Variants in ATG9A observed in about 807,000 individuals in gnomAD.
The protein encoded by ATG9A is autophagy related 9A.
A neutral mutation model predicts 87.1 loss-of-function variants in ATG9A; 21 were observed. That is an observed-to-expected ratio of 0.24 (90% confidence interval 0.17 to 0.35). The LOEUF (loss-of-function observed/expected upper bound fraction) is 0.35, where lower values mean the gene tolerates loss of function less well. Among genes scored for constraint, ATG9A ranks in the 10% least tolerant of loss-of-function variants. The pLI, the probability that ATG9A is intolerant of heterozygous loss-of-function variation, is 1.00. For synonymous variants in ATG9A, 422 were observed against 441.3 expected (o/e 0.96, Z 0.55); for missense variants, 836 against 1,107.3 (o/e 0.76, Z 3.48).
chr2:219,222,258 C>G lies in ATG9A; in HGVS notation c.2027+14G>C. 2 of 1,613,506 alleles carry G rather than the reference C, an allele frequency of 1.2e-6. No homozygotes were observed. The highest frequency in any genetic ancestry group is 1.7e-6 in the Non-Finnish European group (2 of 1,180,010). On this transcript the variant is annotated intron_variant, in intron 12 of 15. Coordinates refer to ENST00000361242, the MANE Select transcript of ATG9A (RefSeq NM_001077198.3). This position sits in a 1 kb window ranked among gnomAD's most constrained non-coding sequence, Gnocchi z 4.3. ...GGCTGCCGTGCCCTCCCATCTTGGC[C>G]CCGATTTACTCACCCAGAGCCTGTC... is the stretch of plus-strand genomic sequence containing the variant.
Position 219,221,080 on chromosome 2 carries a change from C to T in ATG9A, c.2368G>A (p.Asp790Asn), listed in dbSNP as rs1950749509. The change falls in exon 14 of 16, where the codon GAT becomes AAT. Residue 790 changes from aspartate (D) to asparagine (N), a missense_variant and splice_region_variant. Transcript: ENST00000361242. The part of the protein sequence containing the change: ...GFQRRYGGIT[D>N]PGTVPRVPSH... ...TTCCTCCTATACCCCCACTGGATAC[C>T]TGTGATGCCACCGTAGCGCCTCTGG... The T allele has an allele frequency of 1.9e-6, 3 of 1,612,842 alleles. No individual in the cohort carries two copies. Among genetic ancestry groups the T allele is most frequent in the Non-Finnish European group, 2.5e-6 (3 of 1,179,528 alleles).
Position 219,223,118 on chromosome 2 carries a change from C to T in ATG9A, c.1600-225G>A, listed in dbSNP as rs1222427905. Among the ~76,000 whole-genome samples the T allele has an allele frequency of 1.4e-5, 2 of 145,562 alleles. No individual in the cohort carries two copies. The highest frequency in any genetic ancestry group is 2.6e-5 in the African/African-American group (1 of 38,780). The stretch of plus-strand genomic sequence containing the variant: ...TTTTTTTTTTTTTGAGATGGAGTCT[C>T]GCTCTGTCGCCCAGGCTGGATTGCA... On this transcript the variant is annotated intron_variant, in intron 10 of 15. Coordinates refer to ENST00000361242, the MANE Select transcript of ATG9A (RefSeq NM_001077198.3). This position sits in a 1 kb window ranked among gnomAD's most constrained non-coding sequence, Gnocchi z 4.7.
Position 219,223,756 on chromosome 2 carries a change from A to G in ATG9A, c.1428T>C (p.Ile476=), listed in dbSNP as rs1202475704. 3 of 1,613,104 alleles carry G rather than the reference A, an allele frequency of 1.9e-6. No individual in the cohort carries two copies. Among genetic ancestry groups the G allele is most frequent in the East Asian group, 4.5e-5 (2 of 44,826 alleles). The change falls in exon 10 of 16, where the codon ATT becomes ATC. Residue 476 remains isoleucine (I), a synonymous_variant. Transcript: ENST00000361242. The surrounding 1 kb of genome is among the most constrained non-coding windows in gnomAD (Gnocchi z 4.7). The part of the protein sequence containing the change: ...AQLFQYKAVF[I]LEELLSPIVT... ...CAATGGGGCTCAGCAACTCTTCCAA[A>G]ATGAACACCTAAAAGGGCGGGACCA...
chr2:219,225,814 C>T (rs1272695245), intron 5 of ATG9A, among the ~76,000 whole-genome samples: 1 of 152,222 alleles, frequency 6.6e-6, no homozygotes, highest in East Asian at 1.9e-4. Context: ...CCTCAGCCAC[C>T]ACTACTGGAC....
chr2:219,227,725 G>T, intron 4 of ATG9A, 45 bp downstream of exon 4: 1 of 1,602,888 alleles, frequency 6.2e-7, no homozygotes, highest in South Asian at 1.1e-5. Context: ...GGCTTAGAGA[G>T]ACATTAAAGG....
chr2:219,220,445 G>A lies in ATG9A; in HGVS notation c.*2C>T. On this transcript the variant is annotated 3_prime_UTR_variant, in exon 16 of 16. Transcript: ENST00000361242. ...GGCCACAGGAACCCTGCTCAGCCTT[G>A]TCTATACCTGTGGGGAGAAAGGGTT... 1.2e-6 allele frequency: 2 copies of A among 1,613,794 alleles called. No individual in the cohort carries two copies. The highest frequency in any genetic ancestry group is 1.1e-5 in the South Asian group (1 of 91,076).
In ATG9A at chr2:219,227,771, C is replaced by T. The variant is rs771455539; in HGVS notation, c.146G>A (p.Arg49Gln). 18 of 1,613,904 alleles carry T rather than the reference C, an allele frequency of 1.1e-5. No individual in the cohort carries two copies. Among genetic ancestry groups the T allele is most frequent in the East Asian group, 4.5e-5 (2 of 44,880 alleles). Residue 49 changes from arginine (R) to glutamine (Q), a missense_variant and splice_region_variant, in exon 4 of 16, where the codon CGA (arginine) becomes CAA (glutamine). Arg to Gln is a conservative substitution (Grantham distance 43). This residue lies in a region of ATG9A where 512 missense variants were observed against 759.6 expected (regional missense o/e 0.67). Transcript: ENST00000361242. Reference sequence around the variant, plus strand: ...CCAACTCAGAAACACAAAGGATATTCGAGAGAAGAAGAGGTCAAGGTTTTC... The same window carrying T: ...CCAACTCAGAAACACAAAGGATATTTGAGAGAAGAAGAGGTCAAGGTTTTC... ...HIENLDLFFSRVYNLHQKNGF... is the reference protein window; with the variant it reads ...HIENLDLFFSQVYNLHQKNGF...
Position 219,224,747 on chromosome 2 carries a change from G to A in ATG9A, c.624C>T (p.Ile208=), listed in dbSNP as rs868100082. Residue 208 remains isoleucine (I), a synonymous_variant, in exon 8 of 16, where the codon ATC becomes ATT. Transcript: ENST00000361242. The surrounding 1 kb of genome is among the most constrained non-coding windows in gnomAD (Gnocchi z 7.7). ...IHKRELTELD[I]YHRILRFQNY... ...TCTGGAAACGGAGGATGCGGTGGTA[G>A]ATGTCCAGTTCTGTCAGCTCACGTT... is the stretch of plus-strand genomic sequence containing the variant. The A allele has an allele frequency of 2.5e-6, 4 of 1,614,236 alleles. No homozygotes were observed. Among genetic ancestry groups the A allele is most frequent in the Middle Eastern group, 3.3e-4 (2 of 6,062 alleles).
At chr2:219,227,083 C>T in intron 4 of ATG9A, 150 bp from the exon 5 acceptor site, 1 of 680,298 alleles carries the variant, frequency 1.5e-6, no homozygotes, top group East Asian at 2.7e-5. Flanking sequence ...TTTTGTCTGT[C>T]CATGGTGGTA....
intron 2 of ATG9A, 36 bp from the exon 3 acceptor site, chr2:219,228,089 T>A: frequency 6.9e-7 from 1 of 1,457,116 alleles, no homozygotes; most frequent in Admixed American, 1.9e-5. Context: ...CCTGATTCAG[T>A]TCCAGCTGCT....
At chr2:219,226,848 T>A (rs202144168) in intron 5 of ATG9A, 21 bp downstream of exon 5, 172 of 1,600,454 alleles carry the variant, frequency 1.1e-4, no homozygotes, top group Non-Finnish European at 1.4e-4. Context: ...CACCACATCA[T>A]CTGTCCCTTC....
chr2:219,224,599 C>A lies in ATG9A; in HGVS notation c.772G>T (p.Gly258Ter). 2 of 1,614,150 alleles carry A rather than the reference C, an allele frequency of 1.2e-6. No homozygotes were observed. The highest frequency in any genetic ancestry group is 1.7e-6 in the Non-Finnish European group (2 of 1,180,034). ...TCATTGAGAAACAGAGAGCCAGGTC[C>A]CCAGAAGAGGATCAGCTCAAAGTTG... is the stretch of plus-strand genomic sequence containing the variant. Reference protein sequence around the residue: ...KYNFELILFWGPGSLFLNEWS... With the variant: ...KYNFELILFW The change falls in exon 8 of 16, where the codon GGA becomes TGA. Residue 258 changes from glycine to a stop codon, truncating the protein, a stop_gained. Transcript: ENST00000361242. LOFTEE classifies it high-confidence loss of function. This position sits in a 1 kb window ranked among gnomAD's most constrained non-coding sequence, Gnocchi z 7.7.
At chr2:219,220,949 A>T in intron 14 of ATG9A, 57 bp from the exon 15 acceptor site, 1 of 1,532,188 alleles carries the variant, frequency 6.5e-7, no homozygotes, top group African/African-American at 1.4e-5. Context: ...AATGAGGAAC[A>T]GGGCTGGGGG....
Position 219,222,061 on chromosome 2 carries a change from A to G in ATG9A, c.2134T>C (p.Tyr712His). 2 of 1,613,844 alleles carry G rather than the reference A, an allele frequency of 1.2e-6. No homozygotes were observed. Among genetic ancestry groups the G allele is most frequent in the Non-Finnish European group, 1.7e-6 (2 of 1,179,920 alleles). The change falls in exon 13 of 16, where the codon TAT becomes CAT. Residue 712 changes from tyrosine to histidine, a missense_variant. Tyr to His is a moderately conservative substitution (Grantham distance 83). This residue lies in a region of ATG9A where 324 missense variants were observed against 347.6 expected (regional missense o/e 0.93). Coordinates refer to ENST00000361242, the MANE Select transcript of ATG9A (RefSeq NM_001077198.3). The surrounding 1 kb of genome is among the most constrained non-coding windows in gnomAD (Gnocchi z 4.3). Reference sequence around the variant, plus strand: ...AGCTGTGCACTCACCTGGTGCATATAGAGGGCATGCAGGCTCATCTCTGTG... The same window carrying G: ...AGCTGTGCACTCACCTGGTGCATATGGAGGGCATGCAGGCTCATCTCTGTG... ...ASTEMSLHAL[Y>H]MHQLHKQQAQ...
chr2:219,222,627 C>T lies in ATG9A; in HGVS notation c.1848+18G>A. ...GAAGTCCACTCTGCCCATCATCTCC[C>T]AGTCACCAGGAACACACCTCAGACT... On this transcript the variant is annotated intron_variant, in intron 11 of 15. Coordinates refer to ENST00000361242, the MANE Select transcript of ATG9A (RefSeq NM_001077198.3). This position sits in a 1 kb window ranked among gnomAD's most constrained non-coding sequence, Gnocchi z 4.3. The T allele has an allele frequency of 6.2e-7, 1 of 1,611,966 alleles. No individual in the cohort carries two copies. The highest frequency in any genetic ancestry group is 8.5e-7 in the Non-Finnish European group (1 of 1,178,192).
At chr2:219,228,186 G>A (rs954073318) in intron 2 of ATG9A, 133 bp from the exon 3 acceptor site, 1 of 622,582 alleles carries the variant, frequency 1.6e-6, no homozygotes, top group Non-Finnish European at 2.8e-6. Context: ...AGAGGCAGAG[G>A]AGTAGTGACA....
chr2:219,228,181 C>A, intron 2 of ATG9A, 128 bp from the exon 3 acceptor site: 2 of 639,406 alleles, frequency 3.1e-6, no homozygotes, highest in Non-Finnish European at 5.4e-6. Flanking sequence ...GGCTCAGAGG[C>A]AGAGGAGTAG....
In ATG9A at chr2:219,224,258, A is replaced by T. The variant is rs376174649; in HGVS notation, c.1113T>A (p.Pro371=). The T allele has an allele frequency of 1.1e-4, 173 of 1,613,850 alleles. No homozygotes were observed. Among genetic ancestry groups the T allele is most frequent in the Non-Finnish European group, 1.4e-4 (166 of 1,180,050 alleles). The change falls in exon 8 of 16, where the codon CCT becomes CCA. Residue 371 remains proline (P), a synonymous_variant. Coordinates refer to ENST00000361242, the MANE Select transcript of ATG9A (RefSeq NM_001077198.3). This position sits in a 1 kb window ranked among gnomAD's most constrained non-coding sequence, Gnocchi z 7.7. ...ASKYMNCFLS[P]LLTLLAKNGA... ...CATTCTTGGCCAGCAGTGTCAAAAG[A>T]GGTGACAAGAAGCAATTCATGTACT...
Position 219,224,543 on chromosome 2 carries a change from C to G in ATG9A, c.828G>C (p.Gly276=), listed in dbSNP as rs758456417. Reference sequence around the variant, plus strand: ...GCTGGGCCAGCTCTAGCCGTTGCCCCCCACGTTTGTACTCGGCCTTGAGGC... The same window carrying G: ...GCTGGGCCAGCTCTAGCCGTTGCCCGCCACGTTTGTACTCGGCCTTGAGGC... ...EWSLKAEYKR[G]GQRLELAQRL... is the part of the protein sequence containing the mutation. The change falls in exon 8 of 16, where the codon GGG becomes GGC. Residue 276 remains glycine, a synonymous_variant. Coordinates refer to ENST00000361242, the MANE Select transcript of ATG9A (RefSeq NM_001077198.3). This position sits in a 1 kb window ranked among gnomAD's most constrained non-coding sequence, Gnocchi z 7.7. The G allele has an allele frequency of 2.7e-5, 44 of 1,614,052 alleles. No individual in the cohort carries two copies. Among genetic ancestry groups the G allele is most frequent in the Non-Finnish European group, 3.6e-5 (43 of 1,180,038 alleles).
Sources: allele counts gnomAD v4.1 joint callset (sites outside exome capture counted in the v4.1 genomes callset), GRCh38; gene constraint gnomAD v4.1.1; regional missense constraint gnomAD v4.1.1; non-coding constraint Gnocchi (gnomAD v3.1); transcripts MANE v1.5; gene names NCBI Gene and HGNC (gene_info 2026-07-23, HGNC 2026-07-21).